Variants in PDE1C observed in about 807,000 individuals in gnomAD.
The protein encoded by PDE1C is phosphodiesterase 1C, also known as dual specificity calcium/calmodulin-dependent 3',5'-cyclic nucleotide phosphodiesterase 1C.
A neutral mutation model predicts 93.1 loss-of-function variants in PDE1C; 62 were observed. That is an observed-to-expected ratio of 0.67 (90% CI 0.54 to 0.82). The LOEUF (loss-of-function observed/expected upper bound fraction) is 0.82, where lower values mean the gene tolerates loss of function less well. Among genes scored for constraint, PDE1C ranks in the 40% least tolerant of loss-of-function variants. The pLI is 0.00. For synonymous variants in PDE1C, 325 were observed against 310.1 expected, an observed-to-expected ratio of 1.05 and a Z score of -0.50; for missense variants, 742 against 884.6, an observed-to-expected ratio of 0.84 and a Z score of 2.04.
intron 1 of PDE1C, among the ~76,000 whole-genome samples, chr7:32,275,911 A>G (rs1811254417): frequency 6.6e-6 from 1 of 152,228 alleles, no homozygotes; most frequent in African/African-American, 2.4e-5. Context: ...AGGATGACAT[A>G]ATACAGAAGC....
At chr7:31,658,547 G>A in the PDE1C span, 59 of 460,220 alleles carry the variant, frequency 1.3e-4, no homozygotes, top group East Asian at 1.7e-3. Context: ...GGTTGCATAC[G>A]TAATTTCAAA....
intron 1 of PDE1C, among the ~76,000 whole-genome samples, chr7:32,417,083 A>G (rs968047533): frequency 9.2e-5 from 14 of 152,096 alleles, no homozygotes; most frequent in African/African-American, 2.9e-4. Context: ...GAACAGACTA[A>G]TCTAGCCTGT....
At chr7:31,632,575 GATTTCAAAA>G in the PDE1C span, among the ~76,000 whole-genome samples, 1 of 152,170 alleles carries the variant, frequency 6.6e-6, no homozygotes, top group Non-Finnish European at 1.5e-5. Context: ...TTTATTTATT[GATTTCAAAA>G]TAGAGACTGA....
At chr7:31,804,793 G>A (rs751812489) in intron 16 of PDE1C, among the ~76,000 whole-genome samples, 6 of 151,834 alleles carry the variant, frequency 4.0e-5, no homozygotes, top group Non-Finnish European at 8.8e-5. Context: ...TACTTCAACA[G>A]TCAATCTGAT....
upstream of PDE1C, chr7:32,071,190 CT>C (rs1796024942): frequency 2.0e-6 from 2 of 985,358 alleles, no homozygotes; most frequent in African/African-American, 3.5e-5. Flanking sequence ...GCTGCGTGGG[CT>C]TCCGGAACCC....
At chr7:32,147,984 T>TAAAAAAAAAAAAAAACAAAAAAAAAAAA (rs1801004375) in intron 3 of PDE1C, among the ~76,000 whole-genome samples, 1 of 79,730 alleles carries the variant, frequency 1.3e-5, no homozygotes, top group Non-Finnish European at 2.2e-5. Flanking sequence ...CCATTTATGC[T>TAAAAAAAAAAAAAAACAAAAAAAAAAAA]AAAAAAAAAA....
chr7:31,748,992 T>C (rs550953214), downstream of PDE1C, among the ~76,000 whole-genome samples: 2 of 152,206 alleles, frequency 1.3e-5, no homozygotes, highest in Non-Finnish European at 2.9e-5. Context: ...GAAGAGAGAT[T>C]TGGATGAAAA....
chr7:32,245,488 C>T (rs371621908), intron 1 of PDE1C, among the ~76,000 whole-genome samples: 2 of 152,304 alleles, frequency 1.3e-5, no homozygotes, highest in East Asian at 1.9e-4. Flanking sequence ...GCCCAATCCT[C>T]GTTCTGCTTC....
At chr7:32,201,519 A>G (rs571654858) in intron 2 of PDE1C, among the ~76,000 whole-genome samples, 3 of 152,372 alleles carry the variant, frequency 2.0e-5, no homozygotes, top group South Asian at 4.1e-4. Flanking sequence ...TTAGGCAAAT[A>G]TAAGTTGAAA....
chr7:32,229,812 C>A (rs1012735591), intron 1 of PDE1C, among the ~76,000 whole-genome samples: 1 of 152,200 alleles, frequency 6.6e-6, no homozygotes, highest in Admixed American at 6.5e-5. Flanking sequence ...TAAAGTCATT[C>A]TAATTATAAC....
At chr7:31,658,214 A>G in the PDE1C span, 1 of 1,431,038 alleles carries the variant, frequency 7.0e-7, no homozygotes. Flanking sequence ...ACAGAAGAAC[A>G]CTTCCCAGAA....
At chr7:31,798,977 A>T (rs1327891957) in intron 16 of PDE1C, among the ~76,000 whole-genome samples, 1 of 151,766 alleles carries the variant, frequency 6.6e-6, no homozygotes, top group Non-Finnish European at 1.5e-5. Context: ...CGTCCTAAGT[A>T]GTATGGGGAC....
At position 31,897,935 on chromosome 7, in the gene PDE1C, A is replaced by G. The variant is rs1406785804; in HGVS notation, c.129-17075T>C. ...GTTTACTCACCACAGAACATTCTCA[A>G]TTACAATGCTGGTATATATTTTTTC... On this transcript the variant is annotated intron_variant, in intron 2 of 17. Transcript: ENST00000396191. 6.6e-5 allele frequency among the ~76,000 whole-genome samples: 10 copies of G among 151,948 alleles called. No individual in the cohort carries two copies. The East Asian group carries it at 1.7e-3, about 26-fold the overall frequency.
At chr7:31,649,964 A>G in the PDE1C span, among the ~76,000 whole-genome samples, 1 of 152,186 alleles carries the variant, frequency 6.6e-6, no homozygotes, top group Admixed American at 6.5e-5. Flanking sequence ...GAGGGTGAAG[A>G]GTAGGGGCTC....
chr7:32,399,960 A>G (rs1479461739), intron 1 of PDE1C, among the ~76,000 whole-genome samples: 1 of 152,140 alleles, frequency 6.6e-6, no homozygotes, highest in Non-Finnish European at 1.5e-5. Flanking sequence ...GGGCTTCGAC[A>G]TACAAATTTA....
chr7:32,338,814 T>C (rs1395719005), intron 1 of PDE1C, among the ~76,000 whole-genome samples: 2 of 151,982 alleles, frequency 1.3e-5, no homozygotes, highest in Non-Finnish European at 2.9e-5. Context: ...CCATCCTGGC[T>C]AACACGGTGA....
At chr7:31,808,185 T>G in intron 16 of PDE1C, 1 of 489,898 alleles carries the variant, frequency 2.0e-6, no homozygotes, top group Non-Finnish European at 4.0e-6. Context: ...TCAAAGGTAT[T>G]CTAACCAAAT....
chr7:32,417,769 C>T lies in PDE1C; in HGVS notation c.310+10053G>A, dbSNP rs549754006. On this transcript the variant is annotated intron_variant, in intron 1 of 1. Transcript: ENST00000672256. ...TGTATTAAGATGATGATCTTTTAGGCGCTTTCTTCATTTATCTCAAGTTTT... is the reference window on the plus strand; with the variant it reads ...TGTATTAAGATGATGATCTTTTAGGTGCTTTCTTCATTTATCTCAAGTTTT... Among the ~76,000 whole-genome samples, 9 of 150,670 alleles carry T rather than the reference C, an allele frequency of 6.0e-5. No homozygotes were observed. The South Asian group carries it at 6.3e-4, about 10-fold the overall frequency.
Position 32,282,485 on chromosome 7 carries a change from A to AATAGATAGATAG in PDE1C, c.85+16154_85+16165dup, listed in dbSNP as rs1554300214. Among the ~76,000 whole-genome samples, 1,009 of 143,920 alleles carry AATAGATAGATAG rather than the reference A, an allele frequency of 7.0e-3. 21 individuals are homozygous for AATAGATAGATAG. The highest frequency in any genetic ancestry group is 0.025 in the African/African-American group (953 of 38,540). The allele number at this position is 143,920 out of a possible 152,430, so 94.4% of individuals were successfully genotyped here. ...AAAGGCCAAACTCCATCAAAAAAAA[A>AATAGATAGATAG]ATAGATAGATAGATAGATAGATAGA... On this transcript the variant is annotated intron_variant, in intron 1 of 18. Coordinates refer to the PDE1C transcript ENST00000396193.
Sources: allele counts gnomAD v4.1 joint callset (sites outside exome capture counted in the v4.1 genomes callset), GRCh38; gene constraint gnomAD v4.1.1; transcripts MANE v1.5; gene names NCBI Gene and HGNC (gene_info 2026-07-23, HGNC 2026-07-21).